PDE8A: variants seen among roughly 807,000 people sequenced by gnomAD.
PDE8A encodes the protein phosphodiesterase 8A, also known as high affinity cAMP-specific and IBMX-insensitive 3',5'-cyclic phosphodiesterase 8A.
In PDE8A, 59 loss-of-function variants were observed where a neutral mutation model predicts 105.0. The observed-to-expected ratio is 0.56, with a 90% CI of 0.46 to 0.70. PDE8A has a LOEUF of 0.70. Among genes scored for constraint, PDE8A ranks in the 30% least tolerant of loss-of-function variants. The pLI is 0.00. For missense variants in PDE8A, 1,014 were observed against 1,045.9 expected (o/e 0.97, Z 0.42); for synonymous variants, 355 against 371.9 (o/e 0.95, Z 0.52).
intron 1 of PDE8A, among the ~76,000 whole-genome samples, chr15:85,011,660 C>T (rs1418782327): frequency 2.0e-5 from 3 of 152,070 alleles, no homozygotes; most frequent in Non-Finnish European, 4.4e-5. Context: ...TCTAAAACAC[C>T]AAAAGCAATG....
chr15:85,115,930 A>AG, intron 15 of PDE8A, 54 bp from the exon 16 acceptor site: 1 of 1,546,050 alleles, frequency 6.5e-7, no homozygotes, highest in Admixed American at 1.9e-5. Flanking sequence ...AAAAAAAAAA[A>AG]AAAAAGTTAA....
intron 1 of PDE8A, among the ~76,000 whole-genome samples, chr15:84,985,732 G>A (rs1220851032): frequency 6.6e-6 from 1 of 152,166 alleles, no homozygotes; most frequent in Non-Finnish European, 1.5e-5. Flanking sequence ...TTGAATTAGA[G>A]AATTTTGTGA....
chr15:85,026,224 A>C (rs1464158968), intron 1 of PDE8A, among the ~76,000 whole-genome samples: 2 of 152,182 alleles, frequency 1.3e-5, no homozygotes, highest in African/African-American at 4.8e-5. Flanking sequence ...TCTGTGGCTC[A>C]GGAATTGGAC....
At chr15:85,102,695 C>T (rs910269247) in intron 11 of PDE8A, among the ~76,000 whole-genome samples, 23 of 151,652 alleles carry the variant, frequency 1.5e-4, no homozygotes, top group Non-Finnish European at 3.2e-4. Flanking sequence ...CAAAATTAGC[C>T]AGGCGTCGTG....
At chr15:85,083,257 G>A (rs2081495947) in intron 5 of PDE8A, among the ~76,000 whole-genome samples, 2 of 151,944 alleles carry the variant, frequency 1.3e-5, no homozygotes, top group South Asian at 4.1e-4. Context: ...TGCTTTGTCA[G>A]TGACATGAAA....
intron 6 of PDE8A, 44 bp from the exon 7 acceptor site, chr15:85,089,294 G>A: frequency 1.0e-6 from 1 of 978,372 alleles, no homozygotes. Flanking sequence ...ATTTTATTTT[G>A]TAGTATTTAC....
chr15:85,020,545 A>G (rs568466048), intron 1 of PDE8A, among the ~76,000 whole-genome samples: 1 of 152,340 alleles, frequency 6.6e-6, no homozygotes, highest in East Asian at 1.9e-4. Context: ...TGGAGGTTGC[A>G]GTGAGCCAAA....
At chr15:85,013,666 G>A (rs895727652) in intron 1 of PDE8A, among the ~76,000 whole-genome samples, 1 of 152,178 alleles carries the variant, frequency 6.6e-6, no homozygotes, top group Non-Finnish European at 1.5e-5. Context: ...AAGTTTACTG[G>A]CTTAAAACAG....
chr15:85,031,079 A>C (rs1374273934), intron 1 of PDE8A, among the ~76,000 whole-genome samples: 1 of 152,244 alleles, frequency 6.6e-6, no homozygotes, highest in African/African-American at 2.4e-5. Context: ...AAACCTGCTG[A>C]TTAATACCAA....
At chr15:85,070,829 A>T (rs1412061454) in intron 3 of PDE8A, among the ~76,000 whole-genome samples, 3 of 152,198 alleles carry the variant, frequency 2.0e-5, no homozygotes, top group African/African-American at 7.2e-5. Flanking sequence ...CAGGATAGAA[A>T]AATAACTTGG....
At position 85,064,439 on chromosome 15, in the gene PDE8A, G is replaced by A. The variant is rs11073917; in HGVS notation, c.243+13G>A. On this transcript the variant is annotated intron_variant, in intron 2 of 21. Transcript: ENST00000394553. ...AGATCAACTTCAGGTAATAATGAACGATGCTGTATTTTTCACATGCTGATT... is the reference window on the plus strand; with the variant it reads ...AGATCAACTTCAGGTAATAATGAACAATGCTGTATTTTTCACATGCTGATT... The A allele has an allele frequency of 2.7e-5, 43 of 1,574,358 alleles. No homozygotes were observed. The highest frequency in any genetic ancestry group is 1.7e-4 in the Middle Eastern group (1 of 5,980).
intron 13 of PDE8A, 90 bp downstream of exon 13, chr15:85,113,537 C>T (rs2082050120): frequency 9.3e-7 from 1 of 1,072,878 alleles, no homozygotes; most frequent in African/African-American, 1.5e-5. Context: ...CAGGGACCCG[C>T]AGTAATGAGC....
chr15:85,016,792 G>A (rs986560526), intron 1 of PDE8A, among the ~76,000 whole-genome samples: 13 of 152,134 alleles, frequency 8.5e-5, no homozygotes, highest in African/African-American at 2.9e-4. Flanking sequence ...CAAGAACATG[G>A]TATGTCTTTT....
At chr15:85,040,333 C>T (rs1222370757) in intron 1 of PDE8A, among the ~76,000 whole-genome samples, 9 of 133,672 alleles carry the variant, frequency 6.7e-5, no homozygotes, top group Non-Finnish European at 1.1e-4. Context: ...GCTGGGATTA[C>T]GGCGTGAGCC....
chr15:85,048,717 CTCAG>C (rs2080924610), intron 1 of PDE8A, among the ~76,000 whole-genome samples: 2 of 152,228 alleles, frequency 1.3e-5, no homozygotes, highest in Admixed American at 1.3e-4. Context: ...AAACTGGTCT[CTCAG>C]AGCCTCTTGC....
At chr15:85,136,460 C>A in intron 20 of PDE8A, 74 bp from the exon 21 acceptor site, 2 of 1,512,080 alleles carry the variant, frequency 1.3e-6, no homozygotes, top group African/African-American at 1.4e-5. Flanking sequence ...GAAGCTCTTC[C>A]TGGGGGAGGG....
intron 20 of PDE8A, among the ~76,000 whole-genome samples, chr15:85,134,489 C>T (rs1471482299): frequency 6.6e-6 from 1 of 151,942 alleles, no homozygotes; most frequent in Non-Finnish European, 1.5e-5. Context: ...AGCAGTGGGG[C>T]TGCCAACAGC....
At chr15:84,987,869 A>T (rs903191994) in intron 1 of PDE8A, among the ~76,000 whole-genome samples, 7 of 152,108 alleles carry the variant, frequency 4.6e-5, no homozygotes, top group African/African-American at 9.7e-5. Context: ...AGAATATTTT[A>T]AAAAATTTTA....
In PDE8A at chr15:84,982,222, C is replaced by T. The variant is rs774502596; in HGVS notation, c.60C>T (p.Ser20=). Residue 20 remains serine, a synonymous_variant, in exon 1 of 22, where the codon AGC becomes AGT. Transcript: ENST00000394553. ...SERLVAEDAP[S]PAAPPLSSGG... ...GCCTGGTGGCCGAGGACGCGCCTAG[C>T]CCCGCGGCACCGCCGCTGTCGTCCG... is the stretch of plus-strand genomic sequence containing the variant. The T allele has an allele frequency of 2.4e-4, 348 of 1,480,136 alleles. No individual in the cohort carries two copies. In the African/African-American group the frequency reaches 4.5e-3, roughly 19 times the overall value. The allele number at this position is 1,480,136 out of a possible 1,614,324, so 91.7% of individuals were successfully genotyped here.
Sources: gnomAD v4.1 joint callset for allele counts (sites outside exome capture counted in the v4.1 genomes callset) on GRCh38, gnomAD v4.1.1 for gene constraint, MANE v1.5 for transcripts, NCBI Gene and HGNC (gene_info 2026-07-23, HGNC 2026-07-21) for gene names.